CBFA2T3: variants seen among roughly 807,000 people sequenced by gnomAD.
CBFA2T3 encodes the protein CBFA2/RUNX1 partner transcriptional co-repressor 3.
CBFA2T3 carries 31 observed loss-of-function variants against 58.6 expected under a neutral mutation model. The observed-to-expected ratio is 0.53, with a 90% CI of 0.40 to 0.71. The LOEUF is 0.71. CBFA2T3 is among the 30% of genes least tolerant of loss of function. The pLI is 0.00. For missense variants in CBFA2T3, 1,076 were observed against 963.1 expected (o/e 1.12, Z -1.55); for synonymous variants, 531 against 421.9 (o/e 1.26, Z -3.17).
intron 1 of CBFA2T3, among the ~76,000 whole-genome samples, chr16:88,916,143 GGTGT>G (rs748201675): frequency 7.0e-6 from 1 of 143,500 alleles, no homozygotes; most frequent in African/African-American, 2.7e-5. Flanking sequence ...TGTACATGTG[GGTGT>G]GTGTGCATGT....
chr16:88,928,694 A>G (rs1395908350), intron 1 of CBFA2T3, among the ~76,000 whole-genome samples: 1 of 152,168 alleles, frequency 6.6e-6, no homozygotes, highest in Non-Finnish European at 1.5e-5. Context: ...CAGACAGGCA[A>G]AAGTCCTGCC....
intron 1 of CBFA2T3, chr16:88,940,260 G>A (rs1971670101): frequency 6.4e-6 from 1 of 155,704 alleles, no homozygotes; most frequent in Middle Eastern, 1.3e-3. Context: ...GCGGGGGAGC[G>A]CCAGCCCCGC....
At chr16:88,902,373 G>T (rs1970133624) in intron 1 of CBFA2T3, 1 of 152,294 alleles carries the variant, frequency 6.6e-6, no homozygotes, top group Non-Finnish European at 1.5e-5. Context: ...CCCCCGGCAG[G>T]TGGTAACGCC....
intron 1 of CBFA2T3, among the ~76,000 whole-genome samples, chr16:88,966,608 T>C (rs1362956758): frequency 1.3e-5 from 2 of 152,142 alleles, no homozygotes; most frequent in African/African-American, 4.8e-5. Flanking sequence ...CCAGCCTCCC[T>C]TGGAGGCCGG....
At position 88,875,085 on chromosome 16, in the gene CBFA2T3, G is replaced by A. The variant is rs746503646; in HGVS notation, c.*1891C>T. 49 of 230,560 alleles carry A rather than the reference G, an allele frequency of 2.1e-4. No individual in the cohort carries two copies. The highest frequency in any genetic ancestry group is 3.4e-4 in the Admixed American group (6 of 17,406). The allele number at this position is 230,560 out of a possible 1,614,324, so 14.3% of individuals were successfully genotyped here. A position where few individuals can be genotyped will look rare whatever the true frequency, so the allele number is the denominator to read the frequency against. On this transcript the variant is annotated 3_prime_UTR_variant, in exon 12 of 12. Coordinates refer to ENST00000268679, the MANE Select transcript of CBFA2T3 (RefSeq NM_005187.6). ...GATGCCAGGCCACGGGCCACGCCAC[G>A]CGCACAGATGCCAGGCCACGGGCCA...
At chr16:88,944,484 C>T (rs751230926) in intron 1 of CBFA2T3, among the ~76,000 whole-genome samples, 65 of 152,172 alleles carry the variant, frequency 4.3e-4, no homozygotes, top group Admixed American at 2.2e-3. Context: ...CTCTAGGGCC[C>T]GCGGCGCACA....
chr16:88,942,602 G>T (rs1215565243), intron 1 of CBFA2T3, among the ~76,000 whole-genome samples: 1 of 152,152 alleles, frequency 6.6e-6, no homozygotes, highest in African/African-American at 2.4e-5. Flanking sequence ...CTCCGTGAGG[G>T]GGAGGACAGC....
At chr16:88,948,037 G>C (rs1971950345) in intron 1 of CBFA2T3, among the ~76,000 whole-genome samples, 1 of 152,168 alleles carries the variant, frequency 6.6e-6, no homozygotes, top group Non-Finnish European at 1.5e-5. Flanking sequence ...AAAAAGACAG[G>C]ATTTGACATT....
intron 1 of CBFA2T3, among the ~76,000 whole-genome samples, chr16:88,964,894 C>T (rs1325101488): frequency 6.6e-6 from 1 of 150,990 alleles, no homozygotes; most frequent in Non-Finnish European, 1.5e-5. Context: ...TCCATCCATC[C>T]ACCATCTATC....
rs1036411046 is a variant in CBFA2T3, at chr16:88,958,445, G to C, written c.151+18212C>G. On this transcript the variant is annotated intron_variant, in intron 1 of 11. Transcript: ENST00000268679. The surrounding 1 kb of genome is among the most constrained non-coding windows in gnomAD (Gnocchi z 4.0). Reference sequence around the variant, plus strand: ...TTAGAGTAATGCCAGGCGGGGCGGCGGGGGAAGAAGGTTCTGGGGCGGGGC... The same window carrying C: ...TTAGAGTAATGCCAGGCGGGGCGGCCGGGGAAGAAGGTTCTGGGGCGGGGC... Among the ~76,000 whole-genome samples, 1 of 152,126 alleles carries C rather than the reference G, an allele frequency of 6.6e-6. No individual in the cohort carries two copies. Among genetic ancestry groups the C allele is most frequent in the South Asian group, 2.1e-4 (1 of 4,834 alleles).
chr16:88,902,607 G>T (rs1263090968), intron 1 of CBFA2T3: 1 of 152,286 alleles, frequency 6.6e-6, no homozygotes, highest in Non-Finnish European at 1.5e-5. Flanking sequence ...GCACAGACGT[G>T]CCCGAGACAC....
At position 88,874,958 on chromosome 16, in the gene CBFA2T3, G is replaced by T. The variant is rs549512035; in HGVS notation, c.*2018C>A. 4.3e-6 allele frequency: 1 copy of T among 233,128 alleles called. No homozygotes were observed. Among genetic ancestry groups the T allele is most frequent in the African/African-American group, 2.2e-5 (1 of 45,290 alleles). The allele number at this position is 233,128 out of a possible 1,614,324, so 14.4% of individuals were successfully genotyped here. On this transcript the variant is annotated 3_prime_UTR_variant, in exon 12 of 12. Coordinates refer to ENST00000268679, the MANE Select transcript of CBFA2T3 (RefSeq NM_005187.6). ...TATATACATTCACATTAACGTACAC[G>T]CTCAGCTTCAGGCCTCTGGCGGGCT...
intron 1 of CBFA2T3, among the ~76,000 whole-genome samples, chr16:88,925,645 T>G (rs997770955): frequency 6.6e-6 from 1 of 152,170 alleles, no homozygotes; most frequent in Non-Finnish European, 1.5e-5. Flanking sequence ...ATGCTGCTTC[T>G]CCCTCCAGGG....
intron 2 of CBFA2T3, 109 bp from the exon 3 acceptor site, chr16:88,898,261 T>TG: frequency 4.9e-6 from 4 of 819,636 alleles, no homozygotes; most frequent in Non-Finnish European, 8.2e-6. Context: ...TGATTTTTGG[T>TG]GGGGGCGTGG....
chr16:88,882,616 G>GCC (rs1969167607), intron 8 of CBFA2T3, 60 bp downstream of exon 8: 47 of 1,059,242 alleles, frequency 4.4e-5, no homozygotes, highest in South Asian at 4.1e-4. Context: ...GTGGCTGTGT[G>GCC]TGTGCGTGGC....
At chr16:88,920,003 T>C (rs182718266) in intron 1 of CBFA2T3, among the ~76,000 whole-genome samples, 7 of 152,374 alleles carry the variant, frequency 4.6e-5, no homozygotes, top group African/African-American at 1.4e-4. Context: ...TGCCAGTCTG[T>C]AAACCAGCAG....
At chr16:88,948,986 CA>C (rs1369018256) in intron 1 of CBFA2T3, among the ~76,000 whole-genome samples, 1 of 152,172 alleles carries the variant, frequency 6.6e-6, no homozygotes, top group Non-Finnish European at 1.5e-5. Context: ...ACAAACTCCC[CA>C]GTAGATGGTG....
intron 1 of CBFA2T3, among the ~76,000 whole-genome samples, chr16:88,928,960 G>C (rs1036869873): frequency 6.6e-6 from 1 of 152,232 alleles, no homozygotes; most frequent in Non-Finnish European, 1.5e-5. Flanking sequence ...AGGCGGAGCA[G>C]AGTGGGTGGT....
chr16:88,964,809 CCCATCTATTCAT>C (rs1972454090), intron 1 of CBFA2T3, among the ~76,000 whole-genome samples: 1 of 149,856 alleles, frequency 6.7e-6, no homozygotes, highest in Non-Finnish European at 1.5e-5. Context: ...CATCCAGTCA[CCCATCTATTCAT>C]CCATCTATCT....
Sources: allele counts gnomAD v4.1 joint callset (sites outside exome capture counted in the v4.1 genomes callset), GRCh38; gene constraint gnomAD v4.1.1; non-coding constraint Gnocchi (gnomAD v3.1); transcripts MANE v1.5; gene names NCBI Gene and HGNC (gene_info 2026-07-23, HGNC 2026-07-21).